Variants in ST7 observed in about 807,000 individuals in gnomAD.
ST7 encodes the protein suppressor of tumorigenicity 7 protein.
ST7 carries 28 observed loss-of-function variants against 78.7 expected under a neutral mutation model. The ratio of observed to expected loss-of-function variants is 0.36; its 90% CI spans 0.26 to 0.49. The LOEUF is 0.49. Ranked by LOEUF, ST7 falls within the 20% of genes least tolerant of loss-of-function variation. The pLI is 0.99. For missense variants in ST7, 418 were observed against 696.0 expected, an observed-to-expected ratio of 0.60 and a Z score of 4.49; for synonymous variants, 247 against 249.6, an observed-to-expected ratio of 0.99 and a Z score of 0.10.
At chr7:117,160,527 G>A (rs768753251) in intron 9 of ST7, among the ~76,000 whole-genome samples, 3 of 148,544 alleles carry the variant, frequency 2.0e-5, no homozygotes, top group Non-Finnish European at 4.4e-5. Context: ...CCTCTCTCCC[G>A]TGACAATCCC....
chr7:117,040,017 G>T (rs1797124868), intron 1 of ST7, among the ~76,000 whole-genome samples: 1 of 152,152 alleles, frequency 6.6e-6, no homozygotes, highest in African/African-American at 2.4e-5. Flanking sequence ...AGTCAGGTAG[G>T]ATTTGGATGT....
intron 9 of ST7, among the ~76,000 whole-genome samples, chr7:117,141,578 T>C (rs1479206416): frequency 6.6e-6 from 1 of 152,230 alleles, no homozygotes; most frequent in East Asian, 1.9e-4. Context: ...ATCACGAATA[T>C]GGAAGCGGCA....
intron 1 of ST7, chr7:116,973,027 T>G: frequency 2.9e-6 from 2 of 681,306 alleles, no homozygotes; most frequent in Non-Finnish European, 5.3e-6. Context: ...TTTATAGCAG[T>G]ATGGATTCAT....
chr7:117,141,541 A>G (rs1163660029), intron 9 of ST7, among the ~76,000 whole-genome samples: 1 of 152,204 alleles, frequency 6.6e-6, no homozygotes, highest in Non-Finnish European at 1.5e-5. Context: ...TTTCAAAAAA[A>G]CTCATTTTAA....
rs564113475 is a variant in ST7, at chr7:116,953,719, G to A, written c.151+28G>A. On this transcript the variant is annotated intron_variant, in intron 1 of 15. Coordinates refer to ENST00000323984, the MANE Select transcript of ST7 (RefSeq NM_001369598.1). Reference sequence around the variant, plus strand: ...AAGGCCTGGGAGCCGGGCCCGCGGCGCCCACCCCTCCCCCGCCCCGGAAAG... The same window carrying A: ...AAGGCCTGGGAGCCGGGCCCGCGGCACCCACCCCTCCCCCGCCCCGGAAAG... The A allele has an allele frequency of 3.7e-5, 52 of 1,405,256 alleles. 2 individuals carry two copies. In the South Asian group the frequency reaches 6.5e-4, roughly 18 times the overall value. The allele number at this position is 1,405,256 out of a possible 1,614,324, so 87.0% of individuals were successfully genotyped here.
At chr7:117,199,394 C>T (rs1010576714) in intron 12 of ST7, among the ~76,000 whole-genome samples, 5 of 152,180 alleles carry the variant, frequency 3.3e-5, no homozygotes, top group African/African-American at 4.8e-5. Flanking sequence ...CTCTCATGCC[C>T]TCAGAAGAGG....
intron 1 of ST7, among the ~76,000 whole-genome samples, chr7:116,971,130 C>G (rs1045922653): frequency 6.6e-6 from 1 of 152,070 alleles, no homozygotes; most frequent in South Asian, 2.1e-4. Flanking sequence ...AACTGCCAGC[C>G]CACAGAGTGC....
Position 117,020,681 on chromosome 7 carries a change from TG to T in ST7, c.151+66992del, listed in dbSNP as rs946438785. On this transcript the variant is annotated intron_variant, in intron 1 of 15. Coordinates refer to ENST00000323984, the MANE Select transcript of ST7 (RefSeq NM_001369598.1). ...CTATTTAGAAATCTGCTTGCTGTCA[TG>T]GTTTCATTGGCTTAGAGTTCATATC... The T allele has an allele frequency of 1.9e-6, 3 of 1,548,948 alleles. No homozygotes were observed. In the African/African-American group the frequency reaches 4.1e-5, roughly 21 times the overall value.
intron 9 of ST7, among the ~76,000 whole-genome samples, chr7:117,157,274 CA>C (rs1806775097): frequency 6.6e-6 from 1 of 152,114 alleles, no homozygotes; most frequent in Non-Finnish European, 1.5e-5. Flanking sequence ...GCCTCATAGA[CA>C]AAAGTTTTTT....
At chr7:117,125,102 A>G (rs1803718903) in intron 3 of ST7, among the ~76,000 whole-genome samples, 1 of 152,188 alleles carries the variant, frequency 6.6e-6, no homozygotes, top group African/African-American at 2.4e-5. Flanking sequence ...TATCTTAGCC[A>G]GTGTTTTTCA....
intron 12 of ST7, among the ~76,000 whole-genome samples, chr7:117,206,759 C>G (rs1791797325): frequency 6.6e-6 from 1 of 152,162 alleles, no homozygotes; most frequent in South Asian, 2.1e-4. Context: ...AGCTACTACC[C>G]TGATGATTCC....
At chr7:116,963,989 C>T (rs770722708) in intron 1 of ST7, among the ~76,000 whole-genome samples, 3 of 151,978 alleles carry the variant, frequency 2.0e-5, no homozygotes, top group Non-Finnish European at 4.4e-5. Flanking sequence ...GGTTGTAGAG[C>T]GTTAAAGGAC....
intron 2 of ST7, among the ~76,000 whole-genome samples, chr7:117,104,238 C>T (rs1046100879): frequency 7.2e-5 from 11 of 152,276 alleles, no homozygotes; most frequent in African/African-American, 2.6e-4. Context: ...GCCAGGAGTT[C>T]GAGACCAGCC....
chr7:117,191,806 T>C (rs944462143), intron 12 of ST7: 5 of 152,176 alleles, frequency 3.3e-5, no homozygotes, highest in African/African-American at 7.2e-5. Context: ...TGATGAAGAC[T>C]TAGTGGTGAA....
chr7:117,073,854 A>T (rs1799151982), intron 1 of ST7: 1 of 152,210 alleles, frequency 6.6e-6, no homozygotes, highest in Non-Finnish European at 1.5e-5. Context: ...ACTAACTTAG[A>T]CTTTTCTTTT....
intron 1 of ST7, among the ~76,000 whole-genome samples, chr7:116,978,568 T>TTCTATCTATCTATCTA (rs201403117): frequency 9.2e-5 from 14 of 152,018 alleles, no homozygotes; most frequent in African/African-American, 3.1e-4. Flanking sequence ...ATATCATACA[T>TTCTATCTATCTATCTA]TCTATCTATC....
chr7:117,128,256 A>G (rs936430286), intron 3 of ST7: 6 of 151,928 alleles, frequency 3.9e-5, no homozygotes, highest in Non-Finnish European at 8.8e-5. Context: ...CCAGGTAGTT[A>G]TAATAGCCAT....
chr7:117,021,614 G>T (rs2116038634), intron 1 of ST7, among the ~76,000 whole-genome samples: 1 of 152,274 alleles, frequency 6.6e-6, no homozygotes, highest in South Asian at 2.1e-4. Flanking sequence ...GTGACTGTTT[G>T]TGCATAGCTG....
chr7:117,130,685 ACT>A, intron 5 of ST7, 79 bp downstream of exon 5: 1 of 907,096 alleles, frequency 1.1e-6, no homozygotes, highest in Admixed American at 2.4e-5. Flanking sequence ...TAGAATATCC[ACT>A]CTGTAAAACT....
Sources: allele counts gnomAD v4.1 joint callset (sites outside exome capture counted in the v4.1 genomes callset), GRCh38; gene constraint gnomAD v4.1.1; transcripts MANE v1.5; gene names NCBI Gene and HGNC (gene_info 2026-07-23, HGNC 2026-07-21).